Variants in EMC1 observed in about 807,000 individuals in gnomAD.
The protein encoded by EMC1 is KIAA0090.
EMC1 carries 103 observed loss-of-function variants against 128.8 expected under a neutral mutation model. The observed-to-expected ratio is 0.80, with a 90% CI of 0.68 to 0.94. The LOEUF is 0.94. Among genes scored for constraint, EMC1 ranks in the 40% least tolerant of loss-of-function variants. EMC1 has a pLI of 0.00. For missense variants in EMC1, 1,083 were observed against 1,250.6 expected, an observed-to-expected ratio of 0.87 and a Z score of 2.02; for synonymous variants, 442 against 490.4, an observed-to-expected ratio of 0.90 and a Z score of 1.30.
chr1:19,240,157 C>T (rs867109459), intron 7 of EMC1, 140 bp downstream of exon 7: 25 of 1,237,018 alleles, frequency 2.0e-5, no homozygotes, highest in Middle Eastern at 5.2e-4. Context: ...TTTCCTCTTA[C>T]ACCAGTTCAG....
intron 1 of EMC1, among the ~76,000 whole-genome samples, chr1:19,245,867 C>A (rs1326685436): frequency 6.6e-6 from 1 of 151,578 alleles, no homozygotes; most frequent in Non-Finnish European, 1.5e-5. Flanking sequence ...CCTCAACTGA[C>A]CCACCCGCCT....
At chr1:19,246,132 T>C (rs537788894) in intron 1 of EMC1, among the ~76,000 whole-genome samples, 1 of 152,190 alleles carries the variant, frequency 6.6e-6, no homozygotes, top group African/African-American at 2.4e-5. Flanking sequence ...GGCTCACGCC[T>C]ATAATCCCAG....
intron 18 of EMC1, among the ~76,000 whole-genome samples, chr1:19,225,434 G>A (rs999536570): frequency 4.6e-5 from 7 of 152,124 alleles, no homozygotes; most frequent in African/African-American, 1.2e-4. Flanking sequence ...GGCAGATCAC[G>A]AGATCAAGAG....
chr1:19,249,497 C>G (rs1012023430), intron 1 of EMC1, among the ~76,000 whole-genome samples: 1 of 152,182 alleles, frequency 6.6e-6, no homozygotes. Context: ...ACCATATAGC[C>G]TAGGTGTGTA....
chr1:19,240,075 G>A, intron 7 of EMC1, 90 bp from the exon 8 acceptor site: 2 of 1,382,112 alleles, frequency 1.4e-6, no homozygotes, highest in Non-Finnish European at 2.0e-6. Flanking sequence ...ACTTTGCCGG[G>A]GGAAGTAACT....
intron 17 of EMC1, among the ~76,000 whole-genome samples, 188 bp from the exon 18 acceptor site, chr1:19,227,638 G>T (rs1052510449): frequency 6.6e-6 from 1 of 151,614 alleles, no homozygotes; most frequent in East Asian, 1.9e-4. Flanking sequence ...AGGCCAAGGC[G>T]GGCGGATCAC....
At chr1:19,219,749 C>A in intron 21 of EMC1, 51 bp from the exon 22 acceptor site, 1 of 1,603,742 alleles carries the variant, frequency 6.2e-7, no homozygotes, top group Non-Finnish European at 8.5e-7. Flanking sequence ...GTAAAGGGAT[C>A]TCTTGGCTGC....
intron 5 of EMC1, 50 bp from the exon 6 acceptor site, chr1:19,241,192 G>T: frequency 6.2e-7 from 1 of 1,604,274 alleles, no homozygotes; most frequent in Non-Finnish European, 8.5e-7. Flanking sequence ...CCCAGGACAG[G>T]ATTATCCTCA....
chr1:19,236,569 T>A (rs1286144356), intron 12 of EMC1, among the ~76,000 whole-genome samples: 1 of 148,790 alleles, frequency 6.7e-6, no homozygotes, highest in Non-Finnish European at 1.5e-5. Context: ...GGCAGGAGAA[T>A]CACTTAAACC....
At chr1:19,225,787 C>T (rs976571094) in intron 18 of EMC1, among the ~76,000 whole-genome samples, 12 of 151,524 alleles carry the variant, frequency 7.9e-5, no homozygotes, top group Non-Finnish European at 1.6e-4. Flanking sequence ...CCACTGCACT[C>T]CAGCCTGGGC....
At chr1:19,241,167 A>C in intron 5 of EMC1, 25 bp from the exon 6 acceptor site, 1 of 1,613,644 alleles carries the variant, frequency 6.2e-7, no homozygotes, top group Non-Finnish European at 8.5e-7. Flanking sequence ...AAGAAACCGC[A>C]GCGTCAGCTT....
chr1:19,249,252 T>C (rs1306868217), intron 1 of EMC1, among the ~76,000 whole-genome samples: 1 of 145,990 alleles, frequency 6.8e-6, no homozygotes, highest in Non-Finnish European at 1.5e-5. Context: ...CCTAAGCCTT[T>C]ACATTTACTC....
At chr1:19,244,356 T>C (rs2093621868) in intron 2 of EMC1, among the ~76,000 whole-genome samples, 1 of 152,152 alleles carries the variant, frequency 6.6e-6, no homozygotes, top group Non-Finnish European at 1.5e-5. Flanking sequence ...CCAGTGTAGG[T>C]AATTAAGTGA....
At position 19,231,358 on chromosome 1, in the gene EMC1, G is replaced by C; in HGVS notation, c.1847C>G (p.Pro616Arg). Reference sequence around the variant, plus strand: ...CAAGATGGGGCGCTTCAGCACTGGGGGAGCTACCTGACTCCACTTCCCAAA... The same window carrying C: ...CAAGATGGGGCGCTTCAGCACTGGGCGAGCTACCTGACTCCACTTCCCAAA... The part of the protein sequence containing the change: ...PIFGKWSQVA[P>R]PVLKRPILQS... Residue 616 changes from proline (P) to arginine (R), a missense_variant, in exon 16 of 23, where the codon CCC becomes CGC. Coordinates refer to ENST00000477853, the MANE Select transcript of EMC1 (RefSeq NM_015047.3). The C allele has an allele frequency of 6.2e-7, 1 of 1,612,740 alleles. No homozygotes were observed.
intron 18 of EMC1, among the ~76,000 whole-genome samples, chr1:19,226,570 T>G (rs2093475274): frequency 6.6e-6 from 1 of 152,116 alleles, no homozygotes; most frequent in Non-Finnish European, 1.5e-5. Context: ...TTTTGTTTGT[T>G]TGGAGACAGG....
chr1:19,216,233 C>CAAAAA lies in EMC1; in HGVS notation c.*3065_*3069dup, dbSNP rs144374191. On this transcript the variant is annotated 3_prime_UTR_variant, in exon 23 of 23. Coordinates refer to ENST00000477853, the MANE Select transcript of EMC1 (RefSeq NM_015047.3). ...GCCTGGGTGACAGAGACCCTGCCTC[C>CAAAAA]AAAAAAAAAGCAATTTATAAAGGCA... 18 of 129,590 alleles carry CAAAAA rather than the reference C, an allele frequency of 1.4e-4. No homozygotes were observed. The highest frequency in any genetic ancestry group is 1.3e-3 in the South Asian group (5 of 3,914). The allele number at this position is 129,590 out of a possible 1,614,324, so 8.0% of individuals were successfully genotyped here.
chr1:19,232,681 C>G lies in EMC1; in HGVS notation c.1725G>C (p.Gln575His), dbSNP rs1572001626. 1 of 1,614,222 alleles carries G rather than the reference C, an allele frequency of 6.2e-7. No homozygotes were observed. The highest frequency in any genetic ancestry group is 8.5e-7 in the Non-Finnish European group (1 of 1,180,036). ...GATGGGGGAAATGAGCAGTAGTTCT[C>G]TGGACCATCAGTTTAAAGGAGGAGT... ...KPDSSFKLMV[Q>H]RTTAHFPHPP... is the part of the protein sequence containing the mutation. The change falls in exon 15 of 23, where the codon CAG (glutamine) becomes CAC (histidine). Residue 575 changes from glutamine (Q) to histidine (H), a missense_variant. Around this residue, in one of 3 missense-constraint regions of EMC1, gnomAD observed 527 missense variants for 644.1 expected, o/e 0.82. Coordinates refer to ENST00000477853, the MANE Select transcript of EMC1 (RefSeq NM_015047.3).
intron 15 of EMC1, 69 bp from the exon 16 acceptor site, chr1:19,231,491 A>G: frequency 1.3e-6 from 2 of 1,487,464 alleles, no homozygotes; most frequent in Admixed American, 2.5e-5. Flanking sequence ...AGACCTGAAG[A>G]GCTGGGACTC....
intron 1 of EMC1, among the ~76,000 whole-genome samples, chr1:19,250,866 T>G (rs540361409): frequency 6.6e-6 from 1 of 152,144 alleles, no homozygotes; most frequent in African/African-American, 2.4e-5. Context: ...AAGGAAGACG[T>G]GGGTGGGTGA....
Sources: allele counts gnomAD v4.1 joint callset (sites outside exome capture counted in the v4.1 genomes callset), GRCh38; gene constraint gnomAD v4.1.1; regional missense constraint gnomAD v4.1.1; transcripts MANE v1.5; gene names NCBI Gene and HGNC (gene_info 2026-07-23, HGNC 2026-07-21).